Variants in XRCC5 observed in about 807,000 individuals in gnomAD.
The protein encoded by XRCC5 is DNA repair protein Ku80.
XRCC5 carries 12 observed loss-of-function variants against 95.7 expected under a neutral mutation model. The ratio of observed to expected loss-of-function variants is 0.13; its 90% CI spans 0.08 to 0.20. XRCC5 has a LOEUF of 0.20. Ranked by LOEUF, XRCC5 falls within the 10% of genes least tolerant of loss-of-function variation. The pLI is 1.00. For missense variants in XRCC5, 595 were observed against 873.9 expected (o/e 0.68, Z 4.02); for synonymous variants, 281 against 290.3 (o/e 0.97, Z 0.33).
chr2:216,169,894 G>A (rs1350727093), intron 16 of XRCC5, among the ~76,000 whole-genome samples: 1 of 151,068 alleles, frequency 6.6e-6, no homozygotes, highest in African/African-American at 2.4e-5. Flanking sequence ...ACAAACTTAG[G>A]TGGGCATGGT....
chr2:216,202,845 C>T (rs1689864752), intron 19 of XRCC5, among the ~76,000 whole-genome samples: 3 of 152,330 alleles, frequency 2.0e-5, no homozygotes, highest in South Asian at 4.1e-4. Context: ...CAGACACAGC[C>T]TCCACTGTTA....
At chr2:216,158,642 AC>A (rs1055586462) in intron 14 of XRCC5, among the ~76,000 whole-genome samples, 2 of 152,006 alleles carry the variant, frequency 1.3e-5, no homozygotes, top group African/African-American at 4.8e-5. Flanking sequence ...TGGGTGACTT[AC>A]CCCTTGTAAT....
chr2:216,119,199 C>A lies in XRCC5; in HGVS notation c.491+34C>A, dbSNP rs373696991. On this transcript the variant is annotated intron_variant, in intron 5 of 20. Transcript: ENST00000392132. Reference sequence around the variant, plus strand: ...CTAAGAATAATGCATGTAGACAAATCCTATGATTTCCTAATATAGTGAATG... The same window carrying A: ...CTAAGAATAATGCATGTAGACAAATACTATGATTTCCTAATATAGTGAATG... The A allele has an allele frequency of 1.5e-5, 24 of 1,610,876 alleles. No individual in the cohort carries two copies. The African/African-American group carries it at 3.1e-4, about 21-fold the overall frequency.
rs765880210 is a variant in XRCC5, at chr2:216,141,207, A to G, written c.1364A>G (p.Asp455Gly). 2.5e-6 allele frequency: 4 copies of G among 1,614,186 alleles called. No homozygotes were observed. The highest frequency in any genetic ancestry group is 1.7e-6 in the Non-Finnish European group (2 of 1,180,014). ...TAAGAGGCACAGTTGAATGCTGTTG[A>G]TGCTTTGATTGACTCCATGAGCTTG... ...APTEAQLNAV[D>G]ALIDSMSLAK... The change falls in exon 13 of 21, where the codon GAT (aspartate) becomes GGT (glycine). Residue 455 changes from aspartate (D) to glycine (G), a missense_variant. By Grantham distance (94) the Asp-to-Gly change is moderately conservative. Around this residue, in one of 2 missense-constraint regions of XRCC5, gnomAD observed 309 missense variants for 382.9 expected, o/e 0.81. Coordinates refer to ENST00000392132, the MANE Select transcript of XRCC5 (RefSeq NM_021141.4).
chr2:216,183,222 A>T (rs1689421156), intron 16 of XRCC5, among the ~76,000 whole-genome samples: 1 of 152,174 alleles, frequency 6.6e-6, no homozygotes, highest in African/African-American at 2.4e-5. Flanking sequence ...ATAAAAACAG[A>T]AATAAAAGGA....
chr2:216,150,963 G>A (rs1011578991), intron 14 of XRCC5, among the ~76,000 whole-genome samples: 1 of 152,118 alleles, frequency 6.6e-6, no homozygotes, highest in African/African-American at 2.4e-5. Context: ...GTCACAAGGC[G>A]ATAAGAATTT....
At chr2:216,192,485 T>C (rs1689632471) in intron 17 of XRCC5, among the ~76,000 whole-genome samples, 154 bp from the exon 18 acceptor site, 1 of 152,162 alleles carries the variant, frequency 6.6e-6, no homozygotes, top group African/African-American at 2.4e-5. Context: ...CACACCTCAG[T>C]TTGGAATGCC....
Position 216,187,861 on chromosome 2 carries a change from T to TCTCTCTCCC in XRCC5, c.1835-2363_1835-2362insTCTCTCCCC, listed in dbSNP as rs143232624. 1.1e-3 allele frequency among the ~76,000 whole-genome samples: 127 copies of TCTCTCTCCC among 116,204 alleles called. 3 individuals are homozygous for TCTCTCTCCC. The highest frequency in any genetic ancestry group is 2.0e-3 in the African/African-American group (47 of 23,902). 76.2% of individuals were successfully genotyped at this position (116,204 alleles called of 152,430 possible). ...CTCTCTCTCTCTCTCTCTCTCTCTC[T>TCTCTCTCCC]CCCCGTCTCCCTGTCTCTCCCTCTC... On this transcript the variant is annotated intron_variant, in intron 16 of 20. Coordinates refer to ENST00000392132, the MANE Select transcript of XRCC5 (RefSeq NM_021141.4).
chr2:216,122,804 G>C lies in XRCC5; in HGVS notation c.683+551G>C, dbSNP rs559973009. Among the ~76,000 whole-genome samples, 8 of 150,292 alleles carry C rather than the reference G, an allele frequency of 5.3e-5. No homozygotes were observed. In the South Asian group the frequency reaches 1.7e-3, roughly 32 times the overall value. On this transcript the variant is annotated intron_variant, in intron 6 of 20. Coordinates refer to ENST00000392132, the MANE Select transcript of XRCC5 (RefSeq NM_021141.4). Reference sequence around the variant, plus strand: ...AGAGTTCATAGCCTACTTACTTTACGTGGGCGTTGGAAAGGCAAAATGATT... The same window carrying C: ...AGAGTTCATAGCCTACTTACTTTACCTGGGCGTTGGAAAGGCAAAATGATT...
At chr2:216,110,356 A>G (rs577819309) in intron 1 of XRCC5, 1 of 152,322 alleles carries the variant, frequency 6.6e-6, no homozygotes, top group Admixed American at 6.5e-5. Context: ...ACAAGATACG[A>G]GTTTGAGCAA....
chr2:216,141,535 C>CTTTT (rs1697168944), intron 13 of XRCC5, among the ~76,000 whole-genome samples: 3 of 54,236 alleles, frequency 5.5e-5, no homozygotes, highest in Admixed American at 2.7e-4. Flanking sequence ...TGCTTTCTTT[C>CTTTT]TTTTCTTTTT....
intron 16 of XRCC5, among the ~76,000 whole-genome samples, chr2:216,184,273 C>T (rs1399683324): frequency 6.6e-6 from 1 of 152,086 alleles, no homozygotes; most frequent in Non-Finnish European, 1.5e-5. Flanking sequence ...ACTCTAAAGA[C>T]GTTTCAAGTA....
chr2:216,131,828 A>C (rs1696998793), intron 9 of XRCC5, among the ~76,000 whole-genome samples: 1 of 152,200 alleles, frequency 6.6e-6, no homozygotes. Flanking sequence ...GCAGTTCTCC[A>C]AATGTACCAT....
At chr2:216,202,303 G>A (rs1689847124) in intron 19 of XRCC5, among the ~76,000 whole-genome samples, 1 of 152,158 alleles carries the variant, frequency 6.6e-6, no homozygotes, top group South Asian at 2.1e-4. Context: ...CTGATATCAC[G>A]AAAATCATGC....
Position 216,127,591 on chromosome 2 carries a change from A to G in XRCC5, c.854A>G (p.Lys285Arg). The G allele has an allele frequency of 6.2e-7, 1 of 1,612,622 alleles. No individual in the cohort carries two copies. The highest frequency in any genetic ancestry group is 8.5e-7 in the Non-Finnish European group (1 of 1,179,548). ...ACAGTTGTGGATGCAAAAACCCTAA[A>G]AAAAGAAGATATACAAAAAGAAACA... is the stretch of plus-strand genomic sequence containing the variant. ...TWTVVDAKTL[K>R]KEDIQKETVY... The change falls in exon 8 of 21, where the codon AAA becomes AGA. Residue 285 changes from lysine (K) to arginine (R), a missense_variant. Around this residue, in one of 2 missense-constraint regions of XRCC5, gnomAD observed 286 missense variants for 491.1 expected, o/e 0.58. Transcript: ENST00000392132.
At position 216,109,361 on chromosome 2, in the gene XRCC5, T is replaced by C. The variant is rs545847157; in HGVS notation, c.-76T>C. ...GCGGCTCTTTCCGCTATCTGCCGCT[T>C]GTCCACCGGAAGCGAGTTGCGACAC... On this transcript the variant is annotated 5_prime_UTR_variant, in exon 1 of 21. Coordinates refer to ENST00000392132, the MANE Select transcript of XRCC5 (RefSeq NM_021141.4). 506 of 1,609,544 alleles carry C rather than the reference T, an allele frequency of 3.1e-4. 2 individuals carry two copies. The Middle Eastern group carries it at 4.0e-3, about 13-fold the overall frequency.
At chr2:216,116,409 C>T (rs1696697977) in intron 2 of XRCC5, among the ~76,000 whole-genome samples, 2 of 152,184 alleles carry the variant, frequency 1.3e-5, no homozygotes, top group South Asian at 4.1e-4. Flanking sequence ...AGAACACTTA[C>T]TACCCTCCTA....
At chr2:216,118,855 CAAAGTAT>C (rs1469625195) in intron 4 of XRCC5, among the ~76,000 whole-genome samples, 181 bp from the exon 5 acceptor site, 3 of 152,122 alleles carry the variant, frequency 2.0e-5, no homozygotes, top group Non-Finnish European at 4.4e-5. Context: ...CCAAGATGTT[CAAAGTAT>C]AAAGTGTATC....
At chr2:216,200,199 G>A (rs574911189) in intron 19 of XRCC5, among the ~76,000 whole-genome samples, 2 of 152,148 alleles carry the variant, frequency 1.3e-5, no homozygotes, top group East Asian at 1.9e-4. Flanking sequence ...TTATAATGCC[G>A]CCAACCACAT....
Sources: gnomAD v4.1 joint callset for allele counts (sites outside exome capture counted in the v4.1 genomes callset) on GRCh38, gnomAD v4.1.1 for gene constraint, gnomAD v4.1.1 regional missense constraint, MANE v1.5 for transcripts, NCBI Gene and HGNC (gene_info 2026-07-23, HGNC 2026-07-21) for gene names.